Variants in GRIP1 observed in about 807,000 individuals in gnomAD.
The protein encoded by GRIP1 is glutamate receptor-interacting protein 1.
A neutral mutation model predicts 129.9 loss-of-function variants in GRIP1; 45 were observed. The observed-to-expected ratio is 0.35, with a 90% CI of 0.27 to 0.44. The LOEUF (loss-of-function observed/expected upper bound fraction) is 0.44, where lower values mean the gene tolerates loss of function less well. Ranked by LOEUF, GRIP1 falls within the 20% of genes least tolerant of loss-of-function variation. The pLI is 1.00. For synonymous variants in GRIP1, 530 were observed against 520.8 expected (o/e 1.02, Z -0.24); for missense variants, 1,196 against 1,396.8 (o/e 0.86, Z 2.29).
intron 5 of GRIP1, among the ~76,000 whole-genome samples, chr12:66,523,258 A>G (rs1345658263): frequency 6.6e-6 from 1 of 151,576 alleles, no homozygotes; most frequent in East Asian, 1.9e-4. Flanking sequence ...TGAAGGAAAA[A>G]ATGTTAAAGG....
intron 2 of GRIP1, among the ~76,000 whole-genome samples, chr12:66,556,527 C>A (rs2062338244): frequency 6.6e-6 from 1 of 151,918 alleles, no homozygotes; most frequent in Non-Finnish European, 1.5e-5. Context: ...AAGAAAAACA[C>A]AGTATAACAC....
intron 1 of GRIP1, among the ~76,000 whole-genome samples, chr12:66,766,406 T>C (rs1050648161): frequency 6.6e-6 from 1 of 152,208 alleles, no homozygotes; most frequent in African/African-American, 2.4e-5. Context: ...TGGCACTCCC[T>C]TCCTTGCTCT....
chr12:66,364,120 G>T (rs2054977964), intron 23 of GRIP1, among the ~76,000 whole-genome samples: 1 of 151,724 alleles, frequency 6.6e-6, no homozygotes, highest in African/African-American at 2.4e-5. Flanking sequence ...ACAAAAATTA[G>T]CCAGGCATGG....
intron 24 of GRIP1, among the ~76,000 whole-genome samples, chr12:66,352,392 G>A (rs544472710): frequency 6.6e-6 from 1 of 152,312 alleles, no homozygotes; most frequent in South Asian, 2.1e-4. Flanking sequence ...AAGGCCAGGA[G>A]GTGGCAGCAT....
intron 1 of GRIP1, among the ~76,000 whole-genome samples, chr12:66,677,255 C>T (rs1027706659): frequency 6.6e-6 from 1 of 152,102 alleles, no homozygotes; most frequent in African/African-American, 2.4e-5. Flanking sequence ...ATTCAGAAAA[C>T]TGAGAAAGTT....
intron 23 of GRIP1, among the ~76,000 whole-genome samples, chr12:66,369,246 C>A (rs1243715220): frequency 2.0e-5 from 3 of 151,358 alleles, no homozygotes; most frequent in Non-Finnish European, 4.4e-5. Flanking sequence ...TCTTACAGTT[C>A]ACACACTGCC....
At chr12:66,379,209 C>G in intron 20 of GRIP1, 71 bp downstream of exon 20, 2 of 1,428,402 alleles carry the variant, frequency 1.4e-6, no homozygotes, top group Non-Finnish European at 2.0e-6. Context: ...ACTGGAAGTA[C>G]AGAAGTTCAA....
rs905245674 is a variant in GRIP1, at chr12:66,881,522, C to CT, written c.58+187527dup. Among the ~76,000 whole-genome samples the CT allele has an allele frequency of 8.6e-3, 1,283 of 149,246 alleles. 21 individuals are homozygous for CT. Among genetic ancestry groups the CT allele is most frequent in the African/African-American group, 0.029 (1,191 of 40,770 alleles). ...CCTGAGACCTGGTAGGAATGGATAA[C>CT]TTTTTTTTTTTATTACCTCTCCAGC... On this transcript the variant is annotated intron_variant, in intron 1 of 1. Transcript: ENST00000643019.
intron 7 of GRIP1, among the ~76,000 whole-genome samples, chr12:66,477,324 A>T (rs1206860450): frequency 1.3e-5 from 2 of 151,994 alleles, no homozygotes; most frequent in Non-Finnish European, 2.9e-5. Context: ...CTTACAAGGG[A>T]TATGAAGGAC....
At position 66,480,863 on chromosome 12, in the gene GRIP1, A is replaced by G. The variant is rs1022004894; in HGVS notation, c.725-15441T>C. On this transcript the variant is annotated intron_variant, in intron 7 of 24. Transcript: ENST00000359742. The stretch of plus-strand genomic sequence containing the variant: ...TTGGGAAAACTGGCTAGCCATACAC[A>G]GAAAACTGAAACTGGACCCCTTTCT... Among the ~76,000 whole-genome samples the G allele has an allele frequency of 1.6e-4, 25 of 152,348 alleles. 1 individual carries two copies. Among genetic ancestry groups the G allele is most frequent in the African/African-American group, 6.0e-4 (25 of 41,594 alleles).
intron 1 of GRIP1, among the ~76,000 whole-genome samples, chr12:66,981,007 T>C (rs907914753): frequency 3.3e-5 from 5 of 152,224 alleles, no homozygotes; most frequent in Non-Finnish European, 7.3e-5. Flanking sequence ...TTTCCTACTT[T>C]TCCTAGGGCA....
At chr12:66,365,588 A>G (rs1171856074) in intron 23 of GRIP1, among the ~76,000 whole-genome samples, 1 of 152,198 alleles carries the variant, frequency 6.6e-6, no homozygotes, top group Non-Finnish European at 1.5e-5. Context: ...CCAAACTCCA[A>G]TCCTTGTTCC....
At chr12:66,694,401 T>C (rs1338134666) in intron 1 of GRIP1, among the ~76,000 whole-genome samples, 3 of 152,178 alleles carry the variant, frequency 2.0e-5, no homozygotes, top group Admixed American at 6.5e-5. Flanking sequence ...TTTCCACATA[T>C]CCTTTACCTC....
chr12:66,469,829 A>G (rs940035218), intron 7 of GRIP1, among the ~76,000 whole-genome samples: 1 of 152,110 alleles, frequency 6.6e-6, no homozygotes, highest in South Asian at 2.1e-4. Flanking sequence ...CACTTAGAAC[A>G]ATTTTTGGAT....
intron 22 of GRIP1, chr12:66,372,155 T>C (rs970443331): frequency 1.9e-5 from 11 of 592,622 alleles, no homozygotes; most frequent in East Asian, 2.8e-5. Flanking sequence ...ACTTAAGCCA[T>C]TGAGTTTATT....
intron 2 of GRIP1, among the ~76,000 whole-genome samples, chr12:66,542,196 T>C (rs377539365): frequency 3.8e-4 from 57 of 151,032 alleles, no homozygotes; most frequent in African/African-American, 1.4e-3. Context: ...TAGTCCAAAT[T>C]GTCTTATGTA....
intron 1 of GRIP1, among the ~76,000 whole-genome samples, chr12:66,704,841 C>T (rs2035472077): frequency 6.6e-6 from 1 of 152,050 alleles, no homozygotes; most frequent in Admixed American, 6.6e-5. Context: ...ATAATTCCTC[C>T]ATTTCATTCA....
At chr12:66,371,118 G>A (rs1451290701) in intron 23 of GRIP1, among the ~76,000 whole-genome samples, 1 of 151,512 alleles carries the variant, frequency 6.6e-6, no homozygotes, top group Non-Finnish European at 1.5e-5. Context: ...GTGTGACATT[G>A]GAGCCTCAAA....
chr12:66,952,673 CATG>C (rs1236140843), intron 1 of GRIP1, among the ~76,000 whole-genome samples: 1 of 152,126 alleles, frequency 6.6e-6, no homozygotes, highest in African/African-American at 2.4e-5. Context: ...TAACACAAAA[CATG>C]ATATTTCATC....
Sources: gnomAD v4.1 joint callset for allele counts (sites outside exome capture counted in the v4.1 genomes callset) on GRCh38, gnomAD v4.1.1 for gene constraint, MANE v1.5 for transcripts, NCBI Gene and HGNC (gene_info 2026-07-23, HGNC 2026-07-21) for gene names.